VPS13B: variants seen among roughly 807,000 people sequenced by gnomAD.
VPS13B encodes vacuolar protein sorting 13 homolog B.
VPS13B carries 285 observed loss-of-function variants against 426.4 expected under a neutral mutation model. That is an observed-to-expected ratio of 0.67 (90% CI 0.61 to 0.74). The LOEUF is 0.74. Among genes scored for constraint, VPS13B ranks in the 30% least tolerant of loss-of-function variants. The pLI, the probability that VPS13B is intolerant of heterozygous loss-of-function variation, is 0.00. For missense variants in VPS13B, 4,537 were observed against 4,782.6 expected (o/e 0.95, Z 1.51); for synonymous variants, 1,676 against 1,676.4 (o/e 1.00, Z 0.01).
chr8:99,135,377 C>G (rs1414409791), intron 10 of VPS13B, among the ~76,000 whole-genome samples: 3 of 151,998 alleles, frequency 2.0e-5, no homozygotes, highest in Non-Finnish European at 1.5e-5. Flanking sequence ...ATGAATCTTT[C>G]TTCTTTTTTG....
In VPS13B at chr8:99,871,577, C is replaced by T; in HGVS notation, c.11625C>T (p.Val3875=). ...CAGAAGTGCTCTTCGTGGTGAGTGTCAGTGAGGACACACAGCAGCAGGCCT... is the reference window on the plus strand; with the variant it reads ...CAGAAGTGCTCTTCGTGGTGAGTGTTAGTGAGGACACACAGCAGCAGGCCT... ...LTSEVLFVVS[V]SEDTQQQAFP... is the part of the protein sequence containing the mutation. Residue 3875 remains valine (V), a synonymous_variant, in exon 61 of 62, where the codon GTC becomes GTT. Coordinates refer to ENST00000357162, the MANE Select transcript of VPS13B (RefSeq NM_152564.5). 6.2e-7 allele frequency: 1 copy of T among 1,614,236 alleles called. No homozygotes were observed.
At chr8:99,367,197 A>C (rs1812937651) in intron 19 of VPS13B, among the ~76,000 whole-genome samples, 1 of 152,192 alleles carries the variant, frequency 6.6e-6, no homozygotes, top group Non-Finnish European at 1.5e-5. Flanking sequence ...GTGTTGATGA[A>C]ATCTCTCAGA....
intron 34 of VPS13B, among the ~76,000 whole-genome samples, chr8:99,656,495 A>G (rs1231457195): frequency 6.6e-6 from 1 of 152,208 alleles, no homozygotes; most frequent in Non-Finnish European, 1.5e-5. Context: ...AGGCTCCTTT[A>G]ATCTTAGTTT....
intron 30 of VPS13B, among the ~76,000 whole-genome samples, chr8:99,522,268 A>G (rs1251448045): frequency 2.6e-5 from 4 of 152,126 alleles, no homozygotes; most frequent in African/African-American, 9.7e-5. Flanking sequence ...TATCTTTTCT[A>G]CTTCAGAAGT....
chr8:99,121,384 C>T lies in VPS13B; in HGVS notation c.1145C>T (p.Thr382Ile), dbSNP rs1847925833. Residue 382 changes from threonine to isoleucine, a missense_variant, in exon 8 of 62, where the codon ACT becomes ATT. Physicochemically the swap from Thr to Ile is moderately conservative, Grantham distance 89 (BLOSUM62 -1). This residue lies in a region of VPS13B where 4,311 missense variants were observed against 4,474.3 expected (regional missense o/e 0.96). Coordinates refer to ENST00000357162, the MANE Select transcript of VPS13B (RefSeq NM_152564.5). ...ACCATGCATCAACAAAAAGCACAGA[C>T]TTTGAAGGATCCTATTGTTTCTATA... is the stretch of plus-strand genomic sequence containing the variant. ...ASTMHQQKAQ[T>I]LKDPIVSIGF... 1 of 1,614,176 alleles carries T rather than the reference C, an allele frequency of 6.2e-7. No homozygotes were observed. The highest frequency in any genetic ancestry group is 8.5e-7 in the Non-Finnish European group (1 of 1,180,020).
intron 21 of VPS13B, chr8:99,424,355 T>G (rs1041044932): frequency 2.0e-5 from 3 of 152,186 alleles, no homozygotes; most frequent in African/African-American, 7.2e-5. Context: ...GGGTCTTGAC[T>G]GTTTATCCAA....
chr8:99,355,588 T>A (rs1812139063), intron 19 of VPS13B, among the ~76,000 whole-genome samples: 1 of 152,110 alleles, frequency 6.6e-6, no homozygotes, highest in South Asian at 2.1e-4. Context: ...AGACTCCATC[T>A]CAAAAAGAAA....
chr8:99,059,912 T>G (rs1032871665), intron 3 of VPS13B, among the ~76,000 whole-genome samples: 1 of 151,974 alleles, frequency 6.6e-6, no homozygotes, highest in African/African-American at 2.4e-5. Flanking sequence ...TTTGTATTTT[T>G]TTTCGTAGAG....
rs201354177 is a variant in VPS13B at position 99,384,204 on chromosome 8, T to A, written c.2825-4T>A. ...TGTAACAGTTTAAAAATCTTGTCTT[T>A]TAGGTGCTGTACTTCTTTGCAGTAT... On this transcript the variant is annotated splice_region_variant and splice_polypyrimidine_tract_variant and intron_variant, in intron 19 of 61. Coordinates refer to ENST00000357162, the MANE Select transcript of VPS13B (RefSeq NM_152564.5). 68 of 1,612,762 alleles carry A rather than the reference T, an allele frequency of 4.2e-5. No homozygotes were observed. The East Asian group carries it at 1.4e-3, about 34-fold the overall frequency.
At chr8:99,566,981 C>T (rs1035729543) in intron 31 of VPS13B, among the ~76,000 whole-genome samples, 1 of 152,016 alleles carries the variant, frequency 6.6e-6, no homozygotes, top group Non-Finnish European at 1.5e-5. Context: ...CTGTAACCTC[C>T]AACTCCTGGG....
chr8:99,294,536 A>T (rs916168602), intron 19 of VPS13B, among the ~76,000 whole-genome samples: 1 of 151,586 alleles, frequency 6.6e-6, no homozygotes, highest in Non-Finnish European at 1.5e-5. Context: ...AACTTAAAGT[A>T]TAATAAAAAT....
At chr8:99,732,392 G>A (rs1184358619) in intron 39 of VPS13B, among the ~76,000 whole-genome samples, 1 of 152,120 alleles carries the variant, frequency 6.6e-6, no homozygotes, top group Admixed American at 6.5e-5. Flanking sequence ...AATAGGAAAG[G>A]ACCAAAACAG....
chr8:99,589,251 A>T, intron 33 of VPS13B, among the ~76,000 whole-genome samples: 1 of 151,692 alleles, frequency 6.6e-6, no homozygotes, highest in Non-Finnish European at 1.5e-5. Flanking sequence ...CATGTGCACA[A>T]CGTGCAGGTT....
intron 31 of VPS13B, among the ~76,000 whole-genome samples, chr8:99,562,028 C>CCCA (rs1174249693): frequency 2.6e-5 from 4 of 152,152 alleles, no homozygotes. Flanking sequence ...ATTTTGTATT[C>CCCA]CCACCAGCAA....
intron 3 of VPS13B, among the ~76,000 whole-genome samples, chr8:99,046,049 C>A (rs1212296196): frequency 6.6e-6 from 1 of 151,944 alleles, no homozygotes; most frequent in Non-Finnish European, 1.5e-5. Flanking sequence ...TGGTTTCCTA[C>A]GAATTTTAGG....
chr8:99,233,695 G>T, intron 17 of VPS13B: 1 of 793,090 alleles, frequency 1.3e-6, no homozygotes, highest in Non-Finnish European at 2.3e-6. Flanking sequence ...GGTTGCATAT[G>T]CTCAAATCCT....
At chr8:99,388,119 C>G (rs2133304185) in intron 20 of VPS13B, among the ~76,000 whole-genome samples, 1 of 152,200 alleles carries the variant, frequency 6.6e-6, no homozygotes, top group Admixed American at 6.6e-5. Context: ...AAAGCAATTT[C>G]CCAATGATGT....
chr8:99,021,066 G>T (rs908848122), intron 2 of VPS13B, among the ~76,000 whole-genome samples: 1 of 152,144 alleles, frequency 6.6e-6, no homozygotes, highest in African/African-American at 2.4e-5. Context: ...GAAAATTAGG[G>T]ATCAGCAAAC....
chr8:99,555,511 T>C (rs1300722626), intron 30 of VPS13B, among the ~76,000 whole-genome samples: 2 of 152,196 alleles, frequency 1.3e-5, no homozygotes, highest in African/African-American at 4.8e-5. Context: ...TTTCAACTTT[T>C]CTTCTGATAA....
Sources: gnomAD v4.1 joint callset for allele counts (sites outside exome capture counted in the v4.1 genomes callset) on GRCh38, gnomAD v4.1.1 for gene constraint, gnomAD v4.1.1 regional missense constraint, MANE v1.5 for transcripts, NCBI Gene and HGNC (gene_info 2026-07-23, HGNC 2026-07-21) for gene names.